The following LRRC4C variants were observed in gnomAD, a reference collection of about 807,000 sequenced individuals.
LRRC4C encodes the protein leucine-rich repeat-containing protein 4C.
In LRRC4C, 5 loss-of-function variants were observed where a neutral mutation model predicts 33.6. The observed-to-expected ratio is 0.15, with a 90% CI of 0.08 to 0.31. The LOEUF is 0.31. Among genes scored for constraint, LRRC4C ranks in the 10% least tolerant of loss-of-function variants. The probability of loss-of-function intolerance (pLI) is 1.00; values close to 1 mark genes in which losing one functional copy is unlikely to be tolerated. For missense variants in LRRC4C, 560 were observed against 796.7 expected, an observed-to-expected ratio of 0.70 and a Z score of 3.58; for synonymous variants, 329 against 302.0, an observed-to-expected ratio of 1.09 and a Z score of -0.93.
chr11:40,188,796 A>G (rs1051231391), intron 5 of LRRC4C, among the ~76,000 whole-genome samples: 2 of 148,366 alleles, frequency 1.3e-5, no homozygotes, highest in Admixed American at 1.4e-4. Flanking sequence ...AGAGGCTTTA[A>G]AGTAGACCTT....
chr11:40,252,085 AT>A (rs2136187068), intron 4 of LRRC4C, among the ~76,000 whole-genome samples: 1 of 152,280 alleles, frequency 6.6e-6, no homozygotes, highest in Non-Finnish European at 1.5e-5. Flanking sequence ...AGGTGAAAAC[AT>A]TGTATAAACC....
intron 3 of LRRC4C, among the ~76,000 whole-genome samples, chr11:40,457,153 AT>A (rs140835674): frequency 1.3e-5 from 2 of 151,392 alleles, no homozygotes; most frequent in Middle Eastern, 3.4e-3. Context: ...TACCTCAGCA[AT>A]TTTTTTTAAA....
At chr11:40,557,679 CGTGTGTGT>C (rs35856491) in intron 3 of LRRC4C, among the ~76,000 whole-genome samples, 1 of 149,266 alleles carries the variant, frequency 6.7e-6, no homozygotes, top group Non-Finnish European at 1.5e-5. Flanking sequence ...TCTATAGAGG[CGTGTGTGT>C]GTGTGTGTGT....
At chr11:40,410,756 C>T (rs538008704) in intron 3 of LRRC4C, among the ~76,000 whole-genome samples, 11 of 152,214 alleles carry the variant, frequency 7.2e-5, no homozygotes, top group African/African-American at 2.2e-4. Context: ...AAATTTTGAA[C>T]GGAATCCAGT....
chr11:40,700,253 A>C (rs999792962), intron 2 of LRRC4C, among the ~76,000 whole-genome samples: 2 of 152,090 alleles, frequency 1.3e-5, no homozygotes, highest in African/African-American at 4.8e-5. Context: ...CAGTCTTTGG[A>C]TATTTCATGG....
At chr11:41,087,810 G>A (rs1237965455) in intron 1 of LRRC4C, among the ~76,000 whole-genome samples, 1 of 152,072 alleles carries the variant, frequency 6.6e-6, no homozygotes, top group Non-Finnish European at 1.5e-5. Context: ...TAATACATAA[G>A]TGATTGTTAA....
At chr11:41,147,189 T>A (rs1434171401) in intron 1 of LRRC4C, among the ~76,000 whole-genome samples, 1 of 152,210 alleles carries the variant, frequency 6.6e-6, no homozygotes, top group Non-Finnish European at 1.5e-5. Context: ...CCCTTCTGAG[T>A]TGAGTGTTAA....
intron 3 of LRRC4C, among the ~76,000 whole-genome samples, chr11:40,406,647 CAA>C (rs1263838617): frequency 6.6e-6 from 1 of 151,920 alleles, no homozygotes; most frequent in Non-Finnish European, 1.5e-5. Flanking sequence ...CAGTATTTTC[CAA>C]AGTCTCTAGA....
At chr11:40,152,156 A>C (rs1201886180) in intron 5 of LRRC4C, among the ~76,000 whole-genome samples, 1 of 152,170 alleles carries the variant, frequency 6.6e-6, no homozygotes, top group Non-Finnish European at 1.5e-5. Context: ...TAGGAAGGGG[A>C]GACCCTCCTC....
intron 1 of LRRC4C, among the ~76,000 whole-genome samples, chr11:41,301,538 A>G (rs953911420): frequency 6.6e-6 from 1 of 152,186 alleles, no homozygotes; most frequent in African/African-American, 2.4e-5. Context: ...AAATATTATA[A>G]TATAACAATG....
chr11:40,639,004 T>C (rs540384761), intron 3 of LRRC4C, among the ~76,000 whole-genome samples: 1 of 152,246 alleles, frequency 6.6e-6, no homozygotes, highest in South Asian at 2.1e-4. Flanking sequence ...GGTGGCCCTT[T>C]GTTAAAGAGA....
chr11:40,761,765 C>G (rs76284180), intron 2 of LRRC4C, among the ~76,000 whole-genome samples: 1 of 152,110 alleles, frequency 6.6e-6, no homozygotes, highest in Non-Finnish European at 1.5e-5. Flanking sequence ...GCTGCTGTAT[C>G]TTAAGGTGAG....
intron 1 of LRRC4C, chr11:41,122,829 C>T (rs1038985735): frequency 6.6e-6 from 1 of 152,004 alleles, no homozygotes; most frequent in East Asian, 1.9e-4. Context: ...CTCATGAAAT[C>T]AGGATTTCAT....
At chr11:41,306,826 A>G (rs1950518051) in intron 1 of LRRC4C, among the ~76,000 whole-genome samples, 1 of 152,224 alleles carries the variant, frequency 6.6e-6, no homozygotes, top group Non-Finnish European at 1.5e-5. Flanking sequence ...GCACTTATTA[A>G]GGAAAGTTTA....
At chr11:40,508,501 A>C (rs1311437120) in intron 3 of LRRC4C, among the ~76,000 whole-genome samples, 6 of 152,134 alleles carry the variant, frequency 3.9e-5, no homozygotes, top group Admixed American at 2.6e-4. Context: ...TGAAAAAAAA[A>C]CCTGCCTTGT....
chr11:41,104,769 ATT>A (rs1222359746), intron 1 of LRRC4C, among the ~76,000 whole-genome samples: 1 of 152,014 alleles, frequency 6.6e-6, no homozygotes, highest in African/African-American at 2.4e-5. Context: ...ACAGAATAAT[ATT>A]TGTCAGGAAT....
intron 3 of LRRC4C, among the ~76,000 whole-genome samples, chr11:40,430,680 T>C (rs1950887260): frequency 1.3e-5 from 2 of 152,080 alleles, no homozygotes; most frequent in South Asian, 4.2e-4. Context: ...TTAATTGAAG[T>C]CCCAATTACT....
At chr11:40,993,271 A>G (rs1358736844) in intron 1 of LRRC4C, among the ~76,000 whole-genome samples, 2 of 152,146 alleles carry the variant, frequency 1.3e-5, no homozygotes, top group Non-Finnish European at 2.9e-5. Context: ...TTGGGCACAT[A>G]TAATTTTTTC....
At chr11:41,400,618 A>T (rs911896331) in intron 1 of LRRC4C, among the ~76,000 whole-genome samples, 2 of 151,900 alleles carry the variant, frequency 1.3e-5, no homozygotes, top group African/African-American at 2.4e-5. Context: ...CAAAATGCCA[A>T]TGTACAAAAT....
Sources: gnomAD v4.1 joint callset for allele counts (sites outside exome capture counted in the v4.1 genomes callset) on GRCh38, gnomAD v4.1.1 for gene constraint, MANE v1.5 for transcripts, NCBI Gene and HGNC (gene_info 2026-07-23, HGNC 2026-07-21) for gene names.